SLC71A2: variants seen among roughly 807,000 people sequenced by gnomAD.
SLC71A2 encodes the protein solute carrier family 71 member 2, also known as hippocampus abundant transcript-like 1.
chr9:94,429,345 A>G, the SLC71A2 span: 8 of 1,476,088 alleles, frequency 5.4e-6, no homozygotes, highest in South Asian at 1.0e-4. Flanking sequence ...TTGGGAAACA[A>G]ATACTATTTG....
chr9:94,401,464 G>A, the SLC71A2 span, among the ~76,000 whole-genome samples: 3 of 151,990 alleles, frequency 2.0e-5, no homozygotes, highest in Non-Finnish European at 4.4e-5. Flanking sequence ...GAGCCACTGC[G>A]CCCAGCAATG....
chr9:94,452,678 CATATATTCAT>C, the SLC71A2 span, among the ~76,000 whole-genome samples: 6 of 47,582 alleles, frequency 1.3e-4, no homozygotes, highest in East Asian at 1.1e-3. Context: ...CATATATATT[CATATATTCAT>C]ATATATTCAT....
the SLC71A2 span, among the ~76,000 whole-genome samples, chr9:94,430,306 T>C: frequency 6.6e-6 from 1 of 150,968 alleles, no homozygotes; most frequent in African/African-American, 2.4e-5. Flanking sequence ...TACTGCAACC[T>C]CCACCTCCCG....
the SLC71A2 span, among the ~76,000 whole-genome samples, chr9:94,392,721 AATCTCTTG>A: frequency 6.6e-6 from 1 of 152,196 alleles, no homozygotes; most frequent in East Asian, 1.9e-4. Flanking sequence ...GGATGATCTC[AATCTCTTG>A]ACCTTGTGAT....
the SLC71A2 span, among the ~76,000 whole-genome samples, chr9:94,405,401 A>G: frequency 6.6e-6 from 1 of 151,176 alleles, no homozygotes; most frequent in South Asian, 2.1e-4. Context: ...AGGCTGAGGC[A>G]GGAGAATGGC....
the SLC71A2 span, among the ~76,000 whole-genome samples, chr9:94,405,612 C>G: frequency 6.6e-6 from 1 of 152,034 alleles, no homozygotes; most frequent in Non-Finnish European, 1.5e-5. Flanking sequence ...GAAATACAGG[C>G]ACACACCACC....
the SLC71A2 span, among the ~76,000 whole-genome samples, chr9:94,379,975 T>G: frequency 6.6e-6 from 1 of 152,162 alleles, no homozygotes; most frequent in Non-Finnish European, 1.5e-5. Context: ...TTTTTGAAAT[T>G]TCTCAGTTTC....
At chr9:94,445,570 G>A in the SLC71A2 span, among the ~76,000 whole-genome samples, 2 of 152,044 alleles carry the variant, frequency 1.3e-5, no homozygotes, top group South Asian at 4.2e-4. Flanking sequence ...TTTTAATTTT[G>A]ACCAGAGACG....
At chr9:94,446,900 T>C in the SLC71A2 span, 1 of 1,610,562 alleles carries the variant, frequency 6.2e-7, no homozygotes, top group East Asian at 2.2e-5. Flanking sequence ...TTCCTGAAGC[T>C]GGACAGTATT....
chr9:94,390,858 CA>C, the SLC71A2 span, among the ~76,000 whole-genome samples: 1 of 152,116 alleles, frequency 6.6e-6, no homozygotes, highest in Non-Finnish European at 1.5e-5. Context: ...AGGAGTACCT[CA>C]ATTCAAAGGC....
chr9:94,460,624 C>T, the SLC71A2 span: 2 of 152,430 alleles, frequency 1.3e-5, no homozygotes, highest in African/African-American at 4.8e-5. Context: ...TTTAACAGAG[C>T]ACCCCTTTGA....
chr9:94,388,774 C>CT, the SLC71A2 span, among the ~76,000 whole-genome samples: 2 of 152,120 alleles, frequency 1.3e-5, no homozygotes, highest in East Asian at 1.9e-4. Flanking sequence ...TTGCCTGTTT[C>CT]TTTATTTTCA....
the SLC71A2 span, among the ~76,000 whole-genome samples, chr9:94,405,033 G>A: frequency 3.3e-5 from 5 of 152,012 alleles, no homozygotes; most frequent in South Asian, 2.1e-4. Flanking sequence ...TTAGGGTAGC[G>A]ATCCAACTTC....
chr9:94,407,560 G>A, the SLC71A2 span, among the ~76,000 whole-genome samples: 1 of 152,068 alleles, frequency 6.6e-6, no homozygotes, highest in Admixed American at 6.6e-5. Flanking sequence ...TGTATTCTTG[G>A]AAGAGGCATG....
At chr9:94,381,287 C>T in the SLC71A2 span, among the ~76,000 whole-genome samples, 6 of 151,160 alleles carry the variant, frequency 4.0e-5, no homozygotes, top group African/African-American at 4.9e-5. Context: ...CCGCCCGCCT[C>T]GGCCTCCCAA....
chr9:94,445,898 C>T, the SLC71A2 span, among the ~76,000 whole-genome samples: 4 of 152,228 alleles, frequency 2.6e-5, no homozygotes, highest in Non-Finnish European at 5.9e-5. Context: ...CCCCTGAGGG[C>T]ATGACCTAGG....
At chr9:94,459,087 G>A in the SLC71A2 span, 284 of 1,471,480 alleles carry the variant, frequency 1.9e-4, no homozygotes, top group African/African-American at 3.5e-3. Flanking sequence ...GTTTTTTTTG[G>A]GTAATCTAGG....
chr9:94,459,895 A>G, the SLC71A2 span: 1 of 156,388 alleles, frequency 6.4e-6, no homozygotes, highest in African/African-American at 2.4e-5. Context: ...ATGAGTGGCC[A>G]CTCTTAAAGA....
At chr9:94,395,936 A>G in the SLC71A2 span, among the ~76,000 whole-genome samples, 1 of 151,818 alleles carries the variant, frequency 6.6e-6, no homozygotes, top group African/African-American at 2.4e-5. Flanking sequence ...TGGGCAGTGT[A>G]GGAAGCCAGC....
Sources: allele counts gnomAD v4.1 joint callset (sites outside exome capture counted in the v4.1 genomes callset), GRCh38; gene constraint gnomAD v4.1.1; transcripts MANE v1.5; gene names NCBI Gene and HGNC (gene_info 2026-07-23, HGNC 2026-07-21).